The following DOCK11 variants were observed in gnomAD, a reference collection of about 807,000 sequenced individuals.
DOCK11 encodes dedicator of cytokinesis protein 11.
DOCK11 carries 70 observed loss-of-function variants against 169.1 expected under a neutral mutation model. The ratio of observed to expected loss-of-function variants is 0.41; its 90% confidence interval spans 0.34 to 0.51. The LOEUF (loss-of-function observed/expected upper bound fraction) is 0.51, where lower values mean the gene tolerates loss of function less well. Ranked by LOEUF, DOCK11 falls within the 20% of genes least tolerant of loss-of-function variation. The pLI, the probability that DOCK11 is intolerant of heterozygous loss-of-function variation, is 0.10. For synonymous variants in DOCK11, 529 were observed against 541.3 expected (o/e 0.98, Z 0.32); for missense variants, 1,166 against 1,538.8 (o/e 0.76, Z 4.05).
intron 52 of DOCK11, among the ~76,000 whole-genome samples, chrX:118,684,440 T>G (rs1246598900): frequency 9.2e-6 from 1 of 108,133 alleles, no homozygotes; most frequent in Non-Finnish European, 1.9e-5. Flanking sequence ...GCCTGGCTAA[T>G]TTTTTTGTAT....
chrX:118,532,360 C>T (rs1041221951), intron 1 of DOCK11, among the ~76,000 whole-genome samples: 3 of 111,116 alleles, frequency 2.7e-5, no homozygotes, highest in South Asian at 3.8e-4. Flanking sequence ...TGAAGCTACA[C>T]GAGAGCAACT....
At chrX:118,573,784 A>G in intron 11 of DOCK11, 22 bp from the exon 12 acceptor site, 2 of 1,183,068 alleles carry the variant, frequency 1.7e-6, no homozygotes, top group Non-Finnish European at 2.3e-6. Flanking sequence ...CAGTTTTAAA[A>G]TGTAACTGTT....
intron 12 of DOCK11, among the ~76,000 whole-genome samples, chrX:118,577,751 A>C: frequency 8.9e-6 from 1 of 111,929 alleles, no homozygotes; most frequent in Non-Finnish European, 1.9e-5. Context: ...TGGAAACTGG[A>C]AATCACTATA....
intron 32 of DOCK11, among the ~76,000 whole-genome samples, chrX:118,625,304 G>A (rs1012752849): frequency 1.1e-4 from 12 of 110,179 alleles, no homozygotes; most frequent in Admixed American, 7.8e-4. Flanking sequence ...ACAGGTGCCC[G>A]CCACCATGCC....
At position 118,631,117 on chromosome X, in the gene DOCK11, A is replaced by G. The variant is rs143420350; in HGVS notation, c.3886+627A>G. Among the ~76,000 whole-genome samples, 37 of 111,268 alleles carry G rather than the reference A, an allele frequency of 3.3e-4. No individual in the cohort carries two copies. The East Asian group carries it at 9.5e-3, about 28-fold the overall frequency. ...GGGAAGTAAAAGCAGGTTATTTCCA[A>G]ATACCACATTTACTTAGACAGTTCC... is the stretch of plus-strand genomic sequence containing the variant. On this transcript the variant is annotated intron_variant, in intron 35 of 52. Transcript: ENST00000276202.
At chrX:118,527,239 A>G (rs759369478) in intron 1 of DOCK11, among the ~76,000 whole-genome samples, 3 of 112,797 alleles carry the variant, frequency 2.7e-5, no homozygotes, top group Non-Finnish European at 3.7e-5. Flanking sequence ...CTCCAAGACT[A>G]TAATTACATC....
intron 7 of DOCK11, among the ~76,000 whole-genome samples, 165 bp from the exon 8 acceptor site, chrX:118,565,840 T>A (rs1408247902): frequency 4.5e-5 from 5 of 111,885 alleles, no homozygotes; most frequent in South Asian, 3.7e-4. Context: ...AACATGGTCA[T>A]TTGTTGTCTT....
At chrX:118,662,536 A>T (rs189051828) in intron 44 of DOCK11, 150 bp from the exon 45 acceptor site, 5,275 of 402,531 alleles carry the variant, frequency 0.013, 53 homozygotes, top group Middle Eastern at 0.037. Flanking sequence ...AAACAAATTT[A>T]AAAATTTTTG....
At chrX:118,545,519 C>A in intron 5 of DOCK11, 127 bp downstream of exon 5, 2 of 518,094 alleles carry the variant, frequency 3.9e-6, no homozygotes, top group Non-Finnish European at 5.8e-6. Context: ...TGATCTGTGG[C>A]CAGCTTTCAA....
chrX:118,673,783 CT>C (rs1178649846), intron 46 of DOCK11, among the ~76,000 whole-genome samples: 1 of 111,395 alleles, frequency 9.0e-6, no homozygotes. Flanking sequence ...CAGAAAAACA[CT>C]CCATACCCAT....
intron 35 of DOCK11, among the ~76,000 whole-genome samples, chrX:118,632,111 C>T (rs955529171): frequency 9.0e-6 from 1 of 110,801 alleles, no homozygotes; most frequent in African/African-American, 3.3e-5. Context: ...CCCGCCACCA[C>T]GCCCGGCTAA....
intron 23 of DOCK11, among the ~76,000 whole-genome samples, chrX:118,601,902 C>T (rs1023920700): frequency 3.6e-5 from 4 of 109,653 alleles, no homozygotes; most frequent in Non-Finnish European, 7.6e-5. Context: ...CTCAGCCTCC[C>T]GAGTAGCTGG....
Position 118,636,828 on chromosome X carries a change from T to TACACACACAC in DOCK11, c.3953+443_3953+452dup, listed in dbSNP as rs765702693. The stretch of plus-strand genomic sequence containing the variant: ...AGAAATGTGTCTGTGTATTTGTGTG[T>TACACACACAC]ACACACACACACACACACACACACA... On this transcript the variant is annotated intron_variant, in intron 36 of 52. Transcript: ENST00000276202. Among the ~76,000 whole-genome samples, 135 of 100,569 alleles carry TACACACACAC rather than the reference T, an allele frequency of 1.3e-3. 1 individual carries two copies. The highest frequency in any genetic ancestry group is 4.3e-3 in the African/African-American group (117 of 27,375). The allele number at this position is 100,569 out of a possible 115,157, so 87.3% of individuals were successfully genotyped here. A position where few individuals can be genotyped will look rare whatever the true frequency, so the allele number is the denominator to read the frequency against.
At chrX:118,678,618 G>T (rs1033695308) in intron 48 of DOCK11, among the ~76,000 whole-genome samples, 7 of 109,218 alleles carry the variant, frequency 6.4e-5, no homozygotes, top group Non-Finnish European at 1.3e-4. Flanking sequence ...GATTACAGTC[G>T]CTCACCACCA....
chrX:118,609,456 C>T (rs1237342220), intron 27 of DOCK11, 107 bp downstream of exon 27: 1 of 560,542 alleles, frequency 1.8e-6, no homozygotes. Context: ...TCTCAGATAG[C>T]CATGCCATGC....
chrX:118,598,114 C>G lies in DOCK11; in HGVS notation c.2470C>G (p.Gln824Glu), dbSNP rs773183621. The change falls in exon 22 of 53, where the codon CAA (glutamine) becomes GAA (glutamate). Residue 824 changes from glutamine to glutamate, a missense_variant and splice_region_variant. Coordinates refer to ENST00000276202, the MANE Select transcript of DOCK11 (RefSeq NM_144658.4). ...KSHLESTIYT[Q>E]DLHVHKFFHH... is the part of the protein sequence containing the mutation. The stretch of plus-strand genomic sequence containing the variant: ...CCACTTAGAATCTACCATTTACACT[C>G]AAGTAAGTTGCATCATTTGAATTTT... 2 of 1,174,666 alleles carry G rather than the reference C, an allele frequency of 1.7e-6. No individual in the cohort carries two copies. The highest frequency in any genetic ancestry group is 2.3e-6 in the Non-Finnish European group (2 of 868,925).
In DOCK11 at chrX:118,495,843, G is replaced by A; in HGVS notation, c.-129G>A. The A allele has an allele frequency of 4.5e-6, 1 of 223,632 alleles. No homozygotes were observed. The highest frequency in any genetic ancestry group is 7.1e-6 in the Non-Finnish European group (1 of 140,642). 18.4% of individuals were successfully genotyped at this position (223,632 alleles called of 1,213,427 possible). A position where few individuals can be genotyped will look rare whatever the true frequency, so the allele number is the denominator to read the frequency against. Reference sequence around the variant, plus strand: ...GTGAGCCGCGCCGCCGCCGAGCTGCGATGTGGCCGGCCGGCCGGCGAGTAA... The same window carrying A: ...GTGAGCCGCGCCGCCGCCGAGCTGCAATGTGGCCGGCCGGCCGGCGAGTAA... On this transcript the variant is annotated 5_prime_UTR_variant, in exon 1 of 53. Transcript: ENST00000276202.
At chrX:118,539,269 T>G (rs1291135333) in intron 1 of DOCK11, among the ~76,000 whole-genome samples, 1 of 112,573 alleles carries the variant, frequency 8.9e-6, no homozygotes. Context: ...TTAGAAGGTA[T>G]ATACTTTTAA....
intron 24 of DOCK11, among the ~76,000 whole-genome samples, chrX:118,607,010 C>A (rs184675821): frequency 3.7e-5 from 4 of 109,403 alleles, no homozygotes; most frequent in African/African-American, 1.3e-4. Context: ...CTTTTCATTG[C>A]GTCTTTATTC....
Sources: gnomAD v4.1 joint callset for allele counts (sites outside exome capture counted in the v4.1 genomes callset) on GRCh38, gnomAD v4.1.1 for gene constraint, MANE v1.5 for transcripts, NCBI Gene and HGNC (gene_info 2026-07-23, HGNC 2026-07-21) for gene names.